PTPRO: variants seen among roughly 807,000 people sequenced by gnomAD.
PTPRO encodes protein tyrosine phosphatase receptor type O, also known as receptor-type tyrosine-protein phosphatase O.
Under a neutral mutation model 145.2 loss-of-function variants are expected in PTPRO, and 62 were observed. That is an observed-to-expected ratio of 0.43 (90% CI 0.35 to 0.53). The LOEUF (loss-of-function observed/expected upper bound fraction) is 0.53. PTPRO is among the 20% of genes least tolerant of loss of function. PTPRO has a pLI of 0.01. For missense variants in PTPRO, 1,345 were observed against 1,482.7 expected (o/e 0.91, Z 1.53); for synonymous variants, 565 against 514.7 (o/e 1.10, Z -1.32).
intron 1 of PTPRO, among the ~76,000 whole-genome samples, chr12:15,477,480 A>G (rs888016193): frequency 1.3e-5 from 2 of 151,674 alleles, no homozygotes; most frequent in African/African-American, 4.9e-5. Context: ...GTGCACATGT[A>G]CCCTAAAACT....
At chr12:15,396,442 A>C in intron 1 of PTPRO, among the ~76,000 whole-genome samples, 1 of 151,196 alleles carries the variant, frequency 6.6e-6, no homozygotes, top group South Asian at 2.1e-4. Context: ...TTACTAAATT[A>C]CAAAAAAAAT....
At chr12:15,345,638 C>T (rs372186325) in intron 1 of PTPRO, among the ~76,000 whole-genome samples, 50 of 152,062 alleles carry the variant, frequency 3.3e-4, no homozygotes, top group Middle Eastern at 3.4e-3. Context: ...AGGAGAAATA[C>T]CTAATGTTGA....
intron 6 of PTPRO, 34 bp downstream of exon 6, chr12:15,504,103 G>C: frequency 6.3e-7 from 1 of 1,576,064 alleles, no homozygotes; most frequent in Non-Finnish European, 8.7e-7. Flanking sequence ...ACACTTACTG[G>C]GGAGCTAGAA....
At position 15,515,485 on chromosome 12, in the gene PTPRO, G is replaced by A; in HGVS notation, c.1465-13G>A. On this transcript the variant is annotated splice_polypyrimidine_tract_variant and intron_variant, in intron 7 of 26. Transcript: ENST00000281171. ...CAGCTCTAAATAAATCTTATTGGGT[G>A]TTTGGTTTAAAGGTGAACTCAAGCA... is the stretch of plus-strand genomic sequence containing the variant. 1 of 1,613,638 alleles carries A rather than the reference G, an allele frequency of 6.2e-7. No individual in the cohort carries two copies. The highest frequency in any genetic ancestry group is 8.5e-7 in the Non-Finnish European group (1 of 1,179,606).
At chr12:15,555,115 G>A (rs1484152181) in intron 15 of PTPRO, among the ~76,000 whole-genome samples, 1 of 152,016 alleles carries the variant, frequency 6.6e-6, no homozygotes, top group Non-Finnish European at 1.5e-5. Flanking sequence ...GCGGGTGCCT[G>A]TAATCCCAGC....
chr12:15,399,645 T>C (rs367815913), intron 1 of PTPRO, among the ~76,000 whole-genome samples: 2 of 152,200 alleles, frequency 1.3e-5, no homozygotes, highest in East Asian at 3.8e-4. Flanking sequence ...TTATCACTTA[T>C]TTTTCATATC....
At chr12:15,557,243 G>A (rs1194367139) in intron 15 of PTPRO, among the ~76,000 whole-genome samples, 1 of 152,116 alleles carries the variant, frequency 6.6e-6, no homozygotes, top group Non-Finnish European at 1.5e-5. Context: ...GTTTCGCCAT[G>A]TTGGCGAAAC....
chr12:15,496,978 T>C (rs1284867036), intron 2 of PTPRO, among the ~76,000 whole-genome samples: 1 of 152,190 alleles, frequency 6.6e-6, no homozygotes, highest in Non-Finnish European at 1.5e-5. Flanking sequence ...AGATATTTTA[T>C]TTGCTCTTCC....
chr12:15,509,387 A>C (rs1389101419), intron 7 of PTPRO, among the ~76,000 whole-genome samples: 1 of 150,638 alleles, frequency 6.6e-6, no homozygotes, highest in African/African-American at 2.5e-5. Context: ...AAAAAAAAAA[A>C]ACTTAAAAAT....
At position 15,480,088 on chromosome 12, in the gene PTPRO, T is replaced by A. The variant is rs568101828; in HGVS notation, c.76-3886T>A. Among the ~76,000 whole-genome samples the A allele has an allele frequency of 5.0e-4, 76 of 152,262 alleles. 1 individual carries two copies. The South Asian group carries it at 0.012, about 25-fold the overall frequency. On this transcript the variant is annotated intron_variant, in intron 1 of 26. Transcript: ENST00000281171. ...TTGCAAGGATTCTCTTGATTTTTTTTAAAAAAGGCCTTTGAATAACACAGA... is the reference window on the plus strand; with the variant it reads ...TTGCAAGGATTCTCTTGATTTTTTTAAAAAAAGGCCTTTGAATAACACAGA...
chr12:15,579,003 CA>C, intron 20 of PTPRO, 60 bp downstream of exon 20: 1 of 1,403,590 alleles, frequency 7.1e-7, no homozygotes, highest in Admixed American at 1.7e-5. Flanking sequence ...ACTGTCATTG[CA>C]GATTAATCAA....
At chr12:15,328,092 C>T (rs545558419) in intron 1 of PTPRO, among the ~76,000 whole-genome samples, 33 of 150,170 alleles carry the variant, frequency 2.2e-4, no homozygotes, top group African/African-American at 7.9e-4. Flanking sequence ...CCAGCCTGGG[C>T]GACAAGAGTG....
At chr12:15,383,012 CA>C (rs1938912330) in intron 1 of PTPRO, among the ~76,000 whole-genome samples, 1 of 152,166 alleles carries the variant, frequency 6.6e-6, no homozygotes. Context: ...ATATACAATA[CA>C]ATATTATTAA....
At chr12:15,436,774 C>T (rs1940606477) in intron 1 of PTPRO, among the ~76,000 whole-genome samples, 1 of 152,192 alleles carries the variant, frequency 6.6e-6, no homozygotes, top group Non-Finnish European at 1.5e-5. Flanking sequence ...GAGATTGAAG[C>T]ATCTTATCTG....
intron 1 of PTPRO, among the ~76,000 whole-genome samples, chr12:15,388,256 C>CAA (rs966424620): frequency 6.7e-6 from 1 of 148,836 alleles, no homozygotes; most frequent in Admixed American, 6.7e-5. Context: ...TAAATTTTAC[C>CAA]AAAAAAAAAT....
At chr12:15,360,937 T>C (rs1341178789) in intron 1 of PTPRO, among the ~76,000 whole-genome samples, 8 of 147,056 alleles carry the variant, frequency 5.4e-5, no homozygotes, top group African/African-American at 2.0e-4. Context: ...CACACACATA[T>C]ATACACACGT....
At position 15,580,705 on chromosome 12, in the gene PTPRO, C is replaced by A. The variant is rs774529238; in HGVS notation, c.3006C>A (p.Asn1002Lys). 13 of 1,614,058 alleles carry A rather than the reference C, an allele frequency of 8.1e-6. No homozygotes were observed. The highest frequency in any genetic ancestry group is 1.1e-5 in the Non-Finnish European group (13 of 1,179,974). Residue 1002 changes from asparagine to lysine, a missense_variant, in exon 22 of 27, where the codon AAC becomes AAA. Physicochemically the swap from Asn to Lys is moderately conservative, Grantham distance 94 (BLOSUM62 0). Around this residue, in one of 3 missense-constraint regions of PTPRO, gnomAD observed 1,130 missense variants for 1,214.7 expected, o/e 0.93. Transcript: ENST00000281171. ...YINANYIPGY[N>K]SPQEYIATQG... Reference sequence around the variant, plus strand: ...TGTCACTTATCTTTCAGGGATACAACTCACCCCAGGAGTATATTGCCACCC... The same window carrying A: ...TGTCACTTATCTTTCAGGGATACAAATCACCCCAGGAGTATATTGCCACCC...
intron 1 of PTPRO, among the ~76,000 whole-genome samples, chr12:15,420,148 G>GAAAAAAAAAAAAAA (rs35302259): frequency 3.7e-5 from 3 of 81,712 alleles, no homozygotes; most frequent in African/African-American, 5.1e-5. Context: ...CTCCGACTCA[G>GAAAAAAAAAAAAAA]AAAAAAAAAA....
chr12:15,358,374 A>G (rs563424801), intron 1 of PTPRO, among the ~76,000 whole-genome samples: 36 of 152,204 alleles, frequency 2.4e-4, no homozygotes, highest in Non-Finnish European at 4.6e-4. Context: ...CCTAAAACTT[A>G]AAGTATGATA....
Sources: gnomAD v4.1 joint callset for allele counts (sites outside exome capture counted in the v4.1 genomes callset) on GRCh38, gnomAD v4.1.1 for gene constraint, gnomAD v4.1.1 regional missense constraint, MANE v1.5 for transcripts, NCBI Gene and HGNC (gene_info 2026-07-23, HGNC 2026-07-21) for gene names.